Variants in AOPEP observed in about 807,000 individuals in gnomAD.
The protein encoded by AOPEP is aminopeptidase O (putative), also known as aminopeptidase O.
AOPEP carries 77 observed loss-of-function variants against 98.1 expected under a neutral mutation model. That is an observed-to-expected ratio of 0.78 (90% confidence interval 0.65 to 0.95). The LOEUF (loss-of-function observed/expected upper bound fraction) is 0.95, where lower values mean the gene tolerates loss of function less well. Among genes scored for constraint, AOPEP ranks in the 40% least tolerant of loss-of-function variants. AOPEP has a pLI of 0.00. For missense variants in AOPEP, 1,024 were observed against 1,024.7 expected, an observed-to-expected ratio of 1.00 and a Z score of 0.01; for synonymous variants, 346 against 365.3, an observed-to-expected ratio of 0.95 and a Z score of 0.60.
At chr9:95,016,172 C>G (rs1157102581) in intron 13 of AOPEP, among the ~76,000 whole-genome samples, 1 of 149,470 alleles carries the variant, frequency 6.7e-6, no homozygotes, top group East Asian at 2.0e-4. Context: ...GGTTTTAAGG[C>G]AAAATAAAAT....
At chr9:94,846,095 TAA>T (rs35421127) in intron 5 of AOPEP, among the ~76,000 whole-genome samples, 143 of 144,576 alleles carry the variant, frequency 9.9e-4, no homozygotes, top group Non-Finnish European at 1.1e-3. Flanking sequence ...GACTCCATCT[TAA>T]AAAAAAAAAA....
At chr9:94,753,905 A>T (rs925546742) in intron 1 of AOPEP, among the ~76,000 whole-genome samples, 1 of 152,210 alleles carries the variant, frequency 6.6e-6, no homozygotes, top group African/African-American at 2.4e-5. Flanking sequence ...TTTTACTTGC[A>T]TGTGTGCAGC....
chr9:95,081,660 G>GA (rs1287793113), intron 15 of AOPEP, among the ~76,000 whole-genome samples: 2 of 152,188 alleles, frequency 1.3e-5, no homozygotes, highest in Non-Finnish European at 2.9e-5. Context: ...AAACATACAG[G>GA]AGTATAAGAA....
intron 10 of AOPEP, among the ~76,000 whole-genome samples, chr9:94,969,610 T>C (rs2059416928): frequency 6.6e-6 from 1 of 152,120 alleles, no homozygotes; most frequent in Non-Finnish European, 1.5e-5. Context: ...GGTTTCACCG[T>C]GTTAGCCAGG....
At chr9:94,882,446 A>G (rs2047695181) in intron 5 of AOPEP, among the ~76,000 whole-genome samples, 1 of 152,158 alleles carries the variant, frequency 6.6e-6, no homozygotes, top group East Asian at 1.9e-4. Flanking sequence ...CTTTTTTCTA[A>G]TACGCCTCCC....
intron 11 of AOPEP, among the ~76,000 whole-genome samples, chr9:95,000,258 G>C (rs2061480045): frequency 6.6e-6 from 1 of 152,160 alleles, no homozygotes. Context: ...TGACGCCAGG[G>C]AGAAGACTGT....
At chr9:94,852,927 A>G (rs1554742510) in intron 5 of AOPEP, among the ~76,000 whole-genome samples, 1 of 152,208 alleles carries the variant, frequency 6.6e-6, no homozygotes, top group Non-Finnish European at 1.5e-5. Context: ...GATTATAGGT[A>G]TTCTACGCCA....
At chr9:95,092,759 C>T in the AOPEP span, among the ~76,000 whole-genome samples, 3 of 152,152 alleles carry the variant, frequency 2.0e-5, no homozygotes, top group African/African-American at 7.2e-5. Context: ...TTTCTGCTCT[C>T]ATAGTCCTCC....
intron 13 of AOPEP, among the ~76,000 whole-genome samples, chr9:95,032,687 C>G (rs150338753): frequency 2.0e-5 from 3 of 152,300 alleles, no homozygotes; most frequent in East Asian, 1.9e-4. Flanking sequence ...TGTTTTGTAG[C>G]TAGTAAATAC....
chr9:94,925,193 A>G (rs140393826), intron 6 of AOPEP, among the ~76,000 whole-genome samples: 1,587 of 152,214 alleles, frequency 0.01, 32 homozygotes, highest in African/African-American at 0.036. Context: ...GTTTCGCCAT[A>G]TTGGCCAGTC....
chr9:95,115,949 T>TA, the AOPEP span, among the ~76,000 whole-genome samples: 315 of 152,334 alleles, frequency 2.1e-3, no homozygotes, highest in South Asian at 3.5e-3. Context: ...ATCATGCCAC[T>TA]AAAAAACACT....
At chr9:94,918,610 C>T (rs2053154388) in intron 5 of AOPEP, among the ~76,000 whole-genome samples, 1 of 152,168 alleles carries the variant, frequency 6.6e-6, no homozygotes, top group African/African-American at 2.4e-5. Flanking sequence ...AGCTGTGTGA[C>T]CTTGGGCTAG....
chr9:94,823,277 T>G (rs924545649), intron 5 of AOPEP, among the ~76,000 whole-genome samples: 2 of 152,218 alleles, frequency 1.3e-5, no homozygotes, highest in Non-Finnish European at 2.9e-5. Context: ...ATTACAGGCG[T>G]GAGCCACCGT....
At chr9:94,767,139 C>G (rs557832189) in intron 2 of AOPEP, among the ~76,000 whole-genome samples, 219 of 152,228 alleles carry the variant, frequency 1.4e-3, no homozygotes, top group African/African-American at 4.8e-3. Context: ...CTTTTTTTCC[C>G]CTTACTTTCT....
chr9:94,786,026 T>C (rs1166516071), intron 3 of AOPEP, among the ~76,000 whole-genome samples: 1 of 152,202 alleles, frequency 6.6e-6, no homozygotes, highest in Non-Finnish European at 1.5e-5. Flanking sequence ...TCAGTACACA[T>C]GTGGCAGCCA....
At chr9:95,015,237 A>G (rs1652257385) in intron 13 of AOPEP, among the ~76,000 whole-genome samples, 1 of 152,216 alleles carries the variant, frequency 6.6e-6, no homozygotes, top group African/African-American at 2.4e-5. Flanking sequence ...GTAAGCACAG[A>G]TAGGGGTTTG....
chr9:94,853,224 C>A (rs143442938), intron 5 of AOPEP, among the ~76,000 whole-genome samples: 5,779 of 152,198 alleles, frequency 0.038, 350 homozygotes, highest in African/African-American at 0.13. Flanking sequence ...GTTTGGGAGG[C>A]CGACGTGGGC....
intron 1 of AOPEP, among the ~76,000 whole-genome samples, chr9:94,754,525 C>T (rs1035830790): frequency 6.6e-6 from 1 of 152,164 alleles, no homozygotes; most frequent in Non-Finnish European, 1.5e-5. Context: ...AATGAGATGT[C>T]TGGAGGGAGA....
intron 9 of AOPEP, among the ~76,000 whole-genome samples, chr9:94,965,302 TTG>T (rs1215985581): frequency 6.6e-6 from 1 of 152,256 alleles, no homozygotes; most frequent in Non-Finnish European, 1.5e-5. Flanking sequence ...TTATTACTGT[TTG>T]TATTGTTATT....
Sources: allele counts gnomAD v4.1 joint callset (sites outside exome capture counted in the v4.1 genomes callset), GRCh38; gene constraint gnomAD v4.1.1; transcripts MANE v1.5; gene names NCBI Gene and HGNC (gene_info 2026-07-23, HGNC 2026-07-21).